Variants in KLHL23 observed in about 807,000 individuals in gnomAD.
The protein encoded by KLHL23 is kelch like family member 23.
Under a neutral mutation model 48.9 loss-of-function variants are expected in KLHL23, and 33 were observed. The observed-to-expected ratio is 0.67, with a 90% CI of 0.51 to 0.90. KLHL23 has a LOEUF of 0.90. Among genes scored for constraint, KLHL23 ranks in the 40% least tolerant of loss-of-function variants. The probability of loss-of-function intolerance (pLI) is 0.00; values close to 1 mark genes in which losing one functional copy is unlikely to be tolerated. For missense variants in KLHL23, 608 were observed against 669.6 expected, an observed-to-expected ratio of 0.91 and a Z score of 1.02; for synonymous variants, 234 against 231.6, an observed-to-expected ratio of 1.01 and a Z score of -0.09.
chr2:169,742,337 C>G (rs976246244), intron 3 of KLHL23, among the ~76,000 whole-genome samples: 3 of 152,202 alleles, frequency 2.0e-5, no homozygotes, highest in Non-Finnish European at 1.5e-5. Flanking sequence ...ATAGATCAGG[C>G]ACTGGCTAAG....
intron 3 of KLHL23, among the ~76,000 whole-genome samples, chr2:169,745,267 C>T (rs1335267817): frequency 6.6e-6 from 1 of 151,888 alleles, no homozygotes; most frequent in Admixed American, 6.6e-5. Context: ...AATCCCTGCA[C>T]TTTGGGAGGC....
At chr2:169,740,766 T>TAATATGTATATATATATATATATA in intron 2 of KLHL23, among the ~76,000 whole-genome samples, 1 of 125,516 alleles carries the variant, frequency 8.0e-6, no homozygotes, top group East Asian at 2.5e-4. Context: ...CTTTTTTATA[T>TAATATGTATATATATATATATATA]TATATATATA....
At chr2:169,745,543 A>C (rs1454439422) in intron 3 of KLHL23, among the ~76,000 whole-genome samples, 2 of 148,302 alleles carry the variant, frequency 1.3e-5, no homozygotes, top group African/African-American at 4.9e-5. Flanking sequence ...AAAAAAAGGA[A>C]GAGAACTCCT....
chr2:169,751,729 GA>G lies in KLHL23; in HGVS notation c.*1998del, dbSNP rs539355828. 25 of 152,316 alleles carry G rather than the reference GA, an allele frequency of 1.6e-4. No individual in the cohort carries two copies. Among genetic ancestry groups the G allele is most frequent in the African/African-American group, 5.5e-4 (23 of 41,586 alleles). The allele number at this position is 152,316 out of a possible 1,614,324, so 9.4% of individuals were successfully genotyped here. On this transcript the variant is annotated 3_prime_UTR_variant, in exon 4 of 4. Transcript: ENST00000392647. ...CAATACAAAATAGTATGCATACTAT[GA>G]TTGTGACTTTGTAAAATCTTTATGC...
chr2:169,749,864 C>A lies in KLHL23; in HGVS notation c.*132C>A. 9.4e-7 allele frequency: 1 copy of A among 1,064,090 alleles called. No individual in the cohort carries two copies. Among genetic ancestry groups the A allele is most frequent in the Non-Finnish European group, 1.3e-6 (1 of 765,344 alleles). 65.9% of individuals were successfully genotyped at this position (1,064,090 alleles called of 1,614,324 possible). ...ATAGGGGATCAGTAAATTGTAATTC[C>A]TAACCCTACTGTACTCCCAAACATG... On this transcript the variant is annotated 3_prime_UTR_variant, in exon 4 of 4. Transcript: ENST00000392647.
chr2:169,749,567 C>T lies in KLHL23; in HGVS notation c.1512C>T (p.Val504=), dbSNP rs1274951194. The change falls in exon 4 of 4, where the codon GTC becomes GTT. Residue 504 remains valine, a synonymous_variant. Coordinates refer to ENST00000392647, the MANE Select transcript of KLHL23 (RefSeq NM_144711.6). ...MMERRMECGA[V]IMNGCIYVTG... is the part of the protein sequence containing the mutation. Reference sequence around the variant, plus strand: ...AAAGGAGGATGGAGTGCGGTGCCGTCATCATGAATGGATGTATTTATGTCA... The same window carrying T: ...AAAGGAGGATGGAGTGCGGTGCCGTTATCATGAATGGATGTATTTATGTCA... The T allele has an allele frequency of 6.2e-7, 1 of 1,613,868 alleles. No individual in the cohort carries two copies. The highest frequency in any genetic ancestry group is 8.5e-7 in the Non-Finnish European group (1 of 1,180,042).
intron 2 of KLHL23, 137 bp downstream of exon 2, chr2:169,736,364 G>A (rs1688518590): frequency 7.7e-7 from 1 of 1,292,592 alleles, no homozygotes; most frequent in East Asian, 2.4e-5. Context: ...TACACAGAAT[G>A]TTCCAGATAA....
rs1688480972 is a variant in KLHL23, at chr2:169,735,203, G to T, written c.189G>T (p.Lys63Asn). Residue 63 changes from lysine to asparagine, a missense_variant, in exon 2 of 4, where the codon AAG becomes AAT. By Grantham distance (94) the Lys-to-Asn change is moderately conservative. Around this residue, in one of 3 missense-constraint regions of KLHL23, gnomAD observed 419 missense variants for 473.1 expected, o/e 0.89. Transcript: ENST00000392647. The surrounding 1 kb of genome is among the most constrained non-coding windows in gnomAD (Gnocchi z 4.5). ...TAGCTGCTTGCAGCAATTATTTTAA[G>T]GCAATGTTCACAGCTGACATGAAAG... The part of the protein sequence containing the change: ...AVLAACSNYF[K>N]AMFTADMKEK... 1 of 1,608,412 alleles carries T rather than the reference G, an allele frequency of 6.2e-7. No individual in the cohort carries two copies. Among genetic ancestry groups the T allele is most frequent in the Non-Finnish European group, 8.5e-7 (1 of 1,178,740 alleles).
Position 169,749,518 on chromosome 2 carries a change from GGAGA to G in KLHL23, c.1468_1471del (p.Glu490Ter). Reference sequence around the variant, plus strand: ...TGCTATGACCCTGAACAAAATGAATGGAGAGAGATAGCTCCCATGATGGAAAGGA... The same window carrying G: ...TGCTATGACCCTGAACAAAATGAATGGAGATAGCTCCCATGATGGAAAGGA... On this transcript the variant is annotated frameshift_variant, in exon 4 of 4. Coordinates refer to ENST00000392647, the MANE Select transcript of KLHL23 (RefSeq NM_144711.6). LOFTEE classifies it high-confidence loss of function. 6.2e-7 allele frequency: 1 copy of G among 1,614,094 alleles called. No individual in the cohort carries two copies. Among genetic ancestry groups the G allele is most frequent in the Non-Finnish European group, 8.5e-7 (1 of 1,180,014 alleles).
rs1688973385 is a variant in KLHL23 at position 169,751,756 on chromosome 2, A to G, written c.*2024A>G. The G allele has an allele frequency of 6.6e-6, 1 of 152,252 alleles. No individual in the cohort carries two copies. Among genetic ancestry groups the G allele is most frequent in the Non-Finnish European group, 1.5e-5 (1 of 68,044 alleles). 9.4% of individuals were successfully genotyped at this position (152,252 alleles called of 1,614,324 possible). A position where few individuals can be genotyped will look rare whatever the true frequency, so the allele number is the denominator to read the frequency against. On this transcript the variant is annotated 3_prime_UTR_variant, in exon 4 of 4. Coordinates refer to ENST00000392647, the MANE Select transcript of KLHL23 (RefSeq NM_144711.6). Reference sequence around the variant, plus strand: ...TTGTGACTTTGTAAAATCTTTATGCATGTGGAAGGTAATCTGCAAAACAAA... The same window carrying G: ...TTGTGACTTTGTAAAATCTTTATGCGTGTGGAAGGTAATCTGCAAAACAAA...
chr2:169,740,498 G>A (rs150623316), intron 2 of KLHL23, among the ~76,000 whole-genome samples: 2,919 of 149,840 alleles, frequency 0.019, 97 homozygotes, highest in African/African-American at 0.068. Context: ...ACCCAGGCTG[G>A]AGTGCAGTGG....
rs778148355 is a variant in KLHL23, at chr2:169,749,653, A to G, written c.1598A>G (p.Asp533Gly). 7.4e-6 allele frequency: 12 copies of G among 1,613,998 alleles called. No individual in the cohort carries two copies. In the Admixed American group the frequency reaches 1.5e-4, roughly 20 times the overall value. ...CAGAGCATTGAGAAATATGATCCAG[A>G]TCTTAATAAGTGGGAAATAGTGGGT... is the stretch of plus-strand genomic sequence containing the variant. ...YLQSIEKYDP[D>G]LNKWEIVGNL... Residue 533 changes from aspartate to glycine, a missense_variant, in exon 4 of 4, where the codon GAT becomes GGT. By Grantham distance (94) the Asp-to-Gly change is moderately conservative. Transcript: ENST00000392647.
chr2:169,736,060 G>A lies in KLHL23; in HGVS notation c.1046G>A (p.Trp349Ter). The change falls in exon 2 of 4, where the codon TGG becomes TAG. Residue 349 changes from tryptophan (W) to a stop codon, truncating the protein, a stop_gained. Transcript: ENST00000392647. LOFTEE classifies it high-confidence loss of function. ...VWIYNSESDE[W>*]TEGLPMLNAR... ...ATCTATAACAGTGAAAGTGATGAATGGACAGAAGGTTTGCCAATGCTCAAT... is the reference window on the plus strand; with the variant it reads ...ATCTATAACAGTGAAAGTGATGAATAGACAGAAGGTTTGCCAATGCTCAAT... 6.2e-7 allele frequency: 1 copy of A among 1,613,928 alleles called. No homozygotes were observed.
intron 3 of KLHL23, 74 bp downstream of exon 3, chr2:169,741,611 C>A: frequency 6.8e-7 from 1 of 1,478,198 alleles, no homozygotes; most frequent in South Asian, 1.5e-5. Context: ...TAAAAATGGA[C>A]TGGAAATAGA....
chr2:169,736,264 T>A (rs1341135455), intron 2 of KLHL23, 37 bp downstream of exon 2: 1 of 1,549,794 alleles, frequency 6.5e-7, no homozygotes, highest in Admixed American at 2.0e-5. Flanking sequence ...ATTTTTTAGA[T>A]GTCTGGAGCT....
chr2:169,750,620 T>C lies in KLHL23; in HGVS notation c.*888T>C, dbSNP rs1450967526. 6.6e-6 allele frequency: 1 copy of C among 152,214 alleles called. No individual in the cohort carries two copies. Among genetic ancestry groups the C allele is most frequent in the Admixed American group, 6.5e-5 (1 of 15,280 alleles). The allele number at this position is 152,214 out of a possible 1,614,324, so 9.4% of individuals were successfully genotyped here. ...ATTTACTTTGTCTAGTTTTTTCCTTTATAGTGTAATTTATTGTTACTCTCT... is the reference window on the plus strand; with the variant it reads ...ATTTACTTTGTCTAGTTTTTTCCTTCATAGTGTAATTTATTGTTACTCTCT... On this transcript the variant is annotated 3_prime_UTR_variant, in exon 4 of 4. Coordinates refer to ENST00000392647, the MANE Select transcript of KLHL23 (RefSeq NM_144711.6).
chr2:169,736,125 G>C lies in KLHL23; in HGVS notation c.1111G>C (p.Val371Leu), dbSNP rs1558945305. The C allele has an allele frequency of 6.2e-7, 1 of 1,614,202 alleles. No individual in the cohort carries two copies. The highest frequency in any genetic ancestry group is 2.2e-5 in the East Asian group (1 of 44,882). Reference sequence around the variant, plus strand: ...CTGTGCAGTCACCTTGGGTGGCTGTGTCTATGCTTTAGGTGGTTACAGAAA... The same window carrying C: ...CTGTGCAGTCACCTTGGGTGGCTGTCTCTATGCTTTAGGTGGTTACAGAAA... ...YHCAVTLGGC[V>L]YALGGYRKGA... The change falls in exon 2 of 4, where the codon GTC becomes CTC. Residue 371 changes from valine to leucine, a missense_variant. Transcript: ENST00000392647.
chr2:169,737,735 C>T (rs1487565807), intron 2 of KLHL23, among the ~76,000 whole-genome samples: 1 of 151,962 alleles, frequency 6.6e-6, no homozygotes, highest in Non-Finnish European at 1.5e-5. Context: ...CTGCCTCAGC[C>T]TCCTGAGTAG....
At chr2:169,745,015 C>T (rs890194972) in intron 3 of KLHL23, among the ~76,000 whole-genome samples, 11 of 151,192 alleles carry the variant, frequency 7.3e-5, no homozygotes, top group African/African-American at 1.9e-4. Context: ...TTGGGTTCAG[C>T]GATTCTTGTG....
Sources: allele counts gnomAD v4.1 joint callset (sites outside exome capture counted in the v4.1 genomes callset), GRCh38; gene constraint gnomAD v4.1.1; regional missense constraint gnomAD v4.1.1; non-coding constraint Gnocchi (gnomAD v3.1); transcripts MANE v1.5; gene names NCBI Gene and HGNC (gene_info 2026-07-23, HGNC 2026-07-21).